FOXP2: variants seen among roughly 807,000 people sequenced by gnomAD.
The protein encoded by FOXP2 is forkhead box protein P2.
A neutral mutation model predicts 115.8 loss-of-function variants in FOXP2; 12 were observed. That is an observed-to-expected ratio of 0.10 (90% confidence interval 0.07 to 0.17). The LOEUF (loss-of-function observed/expected upper bound fraction) is 0.17, where lower values mean the gene tolerates loss of function less well. Among genes scored for constraint, FOXP2 ranks in the 10% least tolerant of loss-of-function variants. FOXP2 has a pLI of 1.00. For missense variants in FOXP2, 629 were observed against 843.5 expected (o/e 0.75, Z 3.15); for synonymous variants, 328 against 297.7 (o/e 1.10, Z -1.05).
chr7:114,328,438 G>A (rs1797615504), intron 2 of FOXP2, among the ~76,000 whole-genome samples: 2 of 151,492 alleles, frequency 1.3e-5, no homozygotes, highest in African/African-American at 2.4e-5. Flanking sequence ...GGGTTTCACC[G>A]TGTTAGCCAG....
At chr7:114,167,356 C>T (rs933459395) in intron 1 of FOXP2, among the ~76,000 whole-genome samples, 8 of 152,168 alleles carry the variant, frequency 5.3e-5, no homozygotes, top group Non-Finnish European at 1.0e-4. Context: ...TGTATGATTC[C>T]AACCACAGGC....
intron 2 of FOXP2, among the ~76,000 whole-genome samples, chr7:114,398,935 C>CT (rs1311180731): frequency 6.6e-6 from 1 of 152,072 alleles, no homozygotes. Context: ...TTTGTAGTTG[C>CT]TGGTTATCTA....
intron 10 of FOXP2, chr7:114,656,439 GAA>G: frequency 2.3e-6 from 1 of 429,546 alleles, no homozygotes; most frequent in African/African-American, 2.0e-5. Context: ...TGATATTTTA[GAA>G]TATTTGCAAA....
intron 2 of FOXP2, among the ~76,000 whole-genome samples, chr7:114,502,060 G>A (rs1031463392): frequency 6.6e-6 from 1 of 151,782 alleles, no homozygotes; most frequent in African/African-American, 2.4e-5. Flanking sequence ...TCAGGCCATC[G>A]GCATATTTCT....
At chr7:114,093,712 G>A (rs7798050) in intron 1 of FOXP2, among the ~76,000 whole-genome samples, 147,895 of 152,032 alleles carry the variant, frequency 0.97, 72,062 homozygotes, top group East Asian at 1. Context: ...CATGGCCCTC[G>A]TCTCAGGTGA....
At chr7:114,233,537 A>G (rs908485790) in intron 1 of FOXP2, among the ~76,000 whole-genome samples, 1 of 152,232 alleles carries the variant, frequency 6.6e-6, no homozygotes, top group Admixed American at 6.5e-5. Flanking sequence ...GGCTATGGGA[A>G]TGGAGTGGAT....
intron 2 of FOXP2, among the ~76,000 whole-genome samples, chr7:114,518,695 A>G (rs148664593): frequency 0.012 from 1,877 of 152,088 alleles, 33 homozygotes; most frequent in African/African-American, 0.04. Context: ...TAGTAGAGAC[A>G]GGCTTTCACC....
At chr7:114,170,528 A>G (rs550885771) in intron 1 of FOXP2, among the ~76,000 whole-genome samples, 1 of 152,310 alleles carries the variant, frequency 6.6e-6, no homozygotes, top group East Asian at 1.9e-4. Flanking sequence ...AAACAGCCCA[A>G]AGTTCTGAAT....
chr7:114,532,086 G>C (rs1799168178), intron 2 of FOXP2, among the ~76,000 whole-genome samples: 1 of 151,898 alleles, frequency 6.6e-6, no homozygotes, highest in Non-Finnish European at 1.5e-5. Flanking sequence ...ACTTGTTTGA[G>C]AAAGGTAGTC....
At chr7:114,276,898 C>T (rs1190845888) in intron 1 of FOXP2, among the ~76,000 whole-genome samples, 2 of 152,292 alleles carry the variant, frequency 1.3e-5, no homozygotes, top group African/African-American at 4.8e-5. Context: ...TTTAAAAACA[C>T]ACTGTATCTC....
Position 114,495,483 on chromosome 7 carries a change from C to CTTTTTTTTTTTTT in FOXP2, c.169-39116_169-39104dup, listed in dbSNP as rs35933398. Among the ~76,000 whole-genome samples, 111 of 61,474 alleles carry CTTTTTTTTTTTTT rather than the reference C, an allele frequency of 1.8e-3. 3 individuals carry two copies. The highest frequency in any genetic ancestry group is 2.6e-3 in the East Asian group (4 of 1,564). 40.3% of individuals were successfully genotyped at this position (61,474 alleles called of 152,430 possible). A position where few individuals can be genotyped will look rare whatever the true frequency, so the allele number is the denominator to read the frequency against. On this transcript the variant is annotated intron_variant, in intron 2 of 16. Coordinates refer to ENST00000350908, the MANE Select transcript of FOXP2 (RefSeq NM_014491.4). The stretch of plus-strand genomic sequence containing the variant: ...TTCTTTGTTTTTTCTTTCTCTCTCT[C>CTTTTTTTTTTTTT]TTTTTTTTTTTTTTTTTTTTTTTTT...
At chr7:114,377,640 TC>T (rs1792174533) in intron 2 of FOXP2, among the ~76,000 whole-genome samples, 1 of 152,180 alleles carries the variant, frequency 6.6e-6, no homozygotes, top group Non-Finnish European at 1.5e-5. Flanking sequence ...CTCCTAGAGC[TC>T]CAGGTTTCTG....
intron 1 of FOXP2, among the ~76,000 whole-genome samples, chr7:114,269,046 T>G (rs1310069985): frequency 1.3e-5 from 2 of 152,198 alleles, no homozygotes; most frequent in Non-Finnish European, 1.5e-5. Context: ...TTTTCTTTGT[T>G]TCACCTGAAG....
chr7:114,245,518 A>T (rs568086417), intron 1 of FOXP2, among the ~76,000 whole-genome samples: 2 of 152,288 alleles, frequency 1.3e-5, no homozygotes, highest in Admixed American at 1.3e-4. Flanking sequence ...CCAACTTAAC[A>T]TGTGCAATAT....
chr7:114,210,238 T>G (rs1794309360), intron 1 of FOXP2, among the ~76,000 whole-genome samples: 3 of 152,206 alleles, frequency 2.0e-5, no homozygotes. Context: ...TAAGTGTTTT[T>G]GCATCGATTC....
intron 1 of FOXP2, among the ~76,000 whole-genome samples, chr7:114,101,485 T>G (rs1221998794): frequency 6.6e-6 from 1 of 152,142 alleles, no homozygotes; most frequent in Non-Finnish European, 1.5e-5. Context: ...GATCTACTTA[T>G]CTAGTAACAG....
At chr7:114,478,412 G>A (rs1413873399) in intron 2 of FOXP2, among the ~76,000 whole-genome samples, 1 of 151,786 alleles carries the variant, frequency 6.6e-6, no homozygotes, top group Admixed American at 6.6e-5. Context: ...TATGAATAAG[G>A]AATGAGTAAT....
At chr7:114,619,471 A>G (rs1049080939) in intron 3 of FOXP2, among the ~76,000 whole-genome samples, 1 of 152,136 alleles carries the variant, frequency 6.6e-6, no homozygotes, top group African/African-American at 2.4e-5. Context: ...TGAATCTAGA[A>G]ACTTAAATCT....
chr7:114,629,677 T>G, intron 4 of FOXP2, 128 bp from the exon 5 acceptor site: 2 of 1,601,176 alleles, frequency 1.2e-6, no homozygotes, highest in Non-Finnish European at 8.5e-7. Flanking sequence ...CCAATGTATA[T>G]TTTTTGTTGT....
Sources: gnomAD v4.1 joint callset for allele counts (sites outside exome capture counted in the v4.1 genomes callset) on GRCh38, gnomAD v4.1.1 for gene constraint, MANE v1.5 for transcripts, NCBI Gene and HGNC (gene_info 2026-07-23, HGNC 2026-07-21) for gene names.